Variants in STAG1 observed in about 807,000 individuals in gnomAD.
STAG1 encodes cohesin subunit SA-1.
In STAG1, 26 loss-of-function variants were observed where a neutral mutation model predicts 170.9. The observed-to-expected ratio is 0.15, with a 90% CI of 0.11 to 0.21. The LOEUF (loss-of-function observed/expected upper bound fraction) is 0.21. Ranked by LOEUF, STAG1 falls within the 10% of genes least tolerant of loss-of-function variation. The pLI, the probability that STAG1 is intolerant of heterozygous loss-of-function variation, is 1.00. For missense variants in STAG1, 964 were observed against 1,509.5 expected, an observed-to-expected ratio of 0.64 and a Z score of 5.99; for synonymous variants, 514 against 497.7, an observed-to-expected ratio of 1.03 and a Z score of -0.44.
chr3:136,533,024 C>G (rs1935454278), intron 6 of STAG1, among the ~76,000 whole-genome samples: 1 of 152,122 alleles, frequency 6.6e-6, no homozygotes. Flanking sequence ...GAACCCAAAG[C>G]CTCTACCAAA....
intron 16 of STAG1, among the ~76,000 whole-genome samples, chr3:136,428,460 A>C (rs1285002106): frequency 6.6e-6 from 1 of 152,176 alleles, no homozygotes; most frequent in African/African-American, 2.4e-5. Flanking sequence ...TAAGTTCAAC[A>C]CCACAGGCAT....
At chr3:136,601,560 A>C (rs899625929) in intron 4 of STAG1, among the ~76,000 whole-genome samples, 3 of 152,162 alleles carry the variant, frequency 2.0e-5, no homozygotes, top group African/African-American at 7.2e-5. Context: ...CATGCCTGTA[A>C]TCCCAGCACT....
At chr3:136,610,407 T>C (rs768656723) in intron 3 of STAG1, among the ~76,000 whole-genome samples, 5 of 152,226 alleles carry the variant, frequency 3.3e-5, no homozygotes, top group South Asian at 4.1e-4. Flanking sequence ...CCTGTCAGAA[T>C]TGTGTGCACT....
At position 136,537,702 on chromosome 3, in the gene STAG1, GC is replaced by G. The variant is rs1477748368; in HGVS notation, c.471+4416del. ...GTAGAGATGGGGTTTCACCATGTTG[GC>G]CAGGCTGGTCTCAAACTCCTGACCT... On this transcript the variant is annotated intron_variant, in intron 6 of 33. Transcript: ENST00000383202. 2.0e-5 allele frequency among the ~76,000 whole-genome samples: 3 copies of G among 151,784 alleles called. 1 individual carries two copies. Among genetic ancestry groups the G allele is most frequent in the Admixed American group, 2.0e-4 (3 of 15,218 alleles).
chr3:136,624,987 TAA>T (rs1940033906), intron 2 of STAG1, among the ~76,000 whole-genome samples: 1 of 152,222 alleles, frequency 6.6e-6, no homozygotes, highest in African/African-American at 2.4e-5. Context: ...TAAGCTTATA[TAA>T]GTTAACTTTT....
chr3:136,719,898 C>T (rs755445969), intron 1 of STAG1, among the ~76,000 whole-genome samples: 3 of 152,002 alleles, frequency 2.0e-5, no homozygotes, highest in Non-Finnish European at 2.9e-5. Flanking sequence ...GAAGTGAGTC[C>T]GGGAGCGGTG....
chr3:136,383,807 T>G (rs961708131), intron 22 of STAG1, among the ~76,000 whole-genome samples: 6 of 151,156 alleles, frequency 4.0e-5, no homozygotes, highest in African/African-American at 9.7e-5. Flanking sequence ...TACAAAAAAT[T>G]AGCTGAGCGT....
In STAG1 at chr3:136,714,957, ATATATATT is replaced by A. The variant is rs1324313777; in HGVS notation, c.-84+37230_-84+37237del. Among the ~76,000 whole-genome samples the A allele has an allele frequency of 9.9e-5, 7 of 70,778 alleles. No individual in the cohort carries two copies. The East Asian group carries it at 1.5e-3, about 16-fold the overall frequency. The allele number at this position is 70,778 out of a possible 152,430, so 46.4% of individuals were successfully genotyped here. A position where few individuals can be genotyped will look rare whatever the true frequency, so the allele number is the denominator to read the frequency against. The stretch of plus-strand genomic sequence containing the variant: ...ATATTAAATATATATATATATATAT[ATATATATT>A]TTATATATATATTTTTATATATATA... On this transcript the variant is annotated intron_variant, in intron 1 of 33. Coordinates refer to ENST00000383202, the MANE Select transcript of STAG1 (RefSeq NM_005862.3).
chr3:136,356,050 TCTGC>T (rs535199151), intron 28 of STAG1, among the ~76,000 whole-genome samples: 2 of 151,788 alleles, frequency 1.3e-5, no homozygotes, highest in African/African-American at 4.8e-5. Context: ...CTCTCGTTTG[TCTGC>T]CTGTTTTTTT....
chr3:136,607,078 T>C (rs1938987155), intron 3 of STAG1, among the ~76,000 whole-genome samples: 1 of 151,996 alleles, frequency 6.6e-6, no homozygotes. Context: ...TCACCTCATA[T>C]CAAGAGTACA....
At chr3:136,652,951 G>A (rs912105027) in intron 1 of STAG1, among the ~76,000 whole-genome samples, 1 of 152,104 alleles carries the variant, frequency 6.6e-6, no homozygotes, top group East Asian at 1.9e-4. Flanking sequence ...GTCCCACGGA[G>A]GAAATAAGGG....
chr3:136,468,630 A>G (rs988708713), intron 12 of STAG1, among the ~76,000 whole-genome samples: 1 of 152,198 alleles, frequency 6.6e-6, no homozygotes, highest in Non-Finnish European at 1.5e-5. Context: ...CAACAGAAAA[A>G]GAGGGAATCC....
At chr3:136,404,651 A>G (rs1271962298) in intron 21 of STAG1, among the ~76,000 whole-genome samples, 1 of 152,156 alleles carries the variant, frequency 6.6e-6, no homozygotes. Flanking sequence ...AGTTCTTTAA[A>G]AGAACTATAC....
rs151074873 is a variant in STAG1 at position 136,581,406 on chromosome 3, C to A, written c.298-12545G>T. 2.8e-4 allele frequency among the ~76,000 whole-genome samples: 42 copies of A among 152,152 alleles called. No individual in the cohort carries two copies. In the East Asian group the frequency reaches 5.4e-3, roughly 20 times the overall value. On this transcript the variant is annotated intron_variant, in intron 4 of 33. Coordinates refer to ENST00000383202, the MANE Select transcript of STAG1 (RefSeq NM_005862.3). ...TCCCTAATATTTTGCTGTTGCAATA[C>A]ATATAAGTTATTTTAAAAAGATTTT...
At chr3:136,505,096 T>A (rs1402775838) in intron 7 of STAG1, among the ~76,000 whole-genome samples, 3 of 152,186 alleles carry the variant, frequency 2.0e-5, no homozygotes, top group Admixed American at 1.3e-4. Context: ...AAATGAGGAT[T>A]ATGATGTTTT....
intron 3 of STAG1, among the ~76,000 whole-genome samples, chr3:136,613,332 A>AAAAAG (rs1394455838): frequency 6.6e-6 from 1 of 150,738 alleles, no homozygotes; most frequent in Non-Finnish European, 1.5e-5. Context: ...AAAAAAAAAA[A>AAAAAG]AAAGAAATCA....
intron 6 of STAG1, among the ~76,000 whole-genome samples, chr3:136,527,079 G>C (rs1010449508): frequency 2.0e-5 from 3 of 152,102 alleles, no homozygotes; most frequent in Non-Finnish European, 4.4e-5. Flanking sequence ...TCTTGGAGTT[G>C]CTCTTCTCAA....
intron 29 of STAG1, among the ~76,000 whole-genome samples, chr3:136,348,579 T>G (rs1936321495): frequency 6.6e-6 from 1 of 152,014 alleles, no homozygotes; most frequent in Non-Finnish European, 1.5e-5. Context: ...AAAATTTTTT[T>G]TTTCTTAGAG....
chr3:136,439,699 TATGTGGTTTGC>T (rs2088575322), intron 15 of STAG1, among the ~76,000 whole-genome samples: 1 of 152,216 alleles, frequency 6.6e-6, no homozygotes, highest in Non-Finnish European at 1.5e-5. Context: ...CCAGAGCTTA[TATGTGGTTTGC>T]ATGTGGTACA....
Sources: allele counts gnomAD v4.1 joint callset (sites outside exome capture counted in the v4.1 genomes callset), GRCh38; gene constraint gnomAD v4.1.1; transcripts MANE v1.5; gene names NCBI Gene and HGNC (gene_info 2026-07-23, HGNC 2026-07-21).